The following CAV2 variants were observed in gnomAD, a reference collection of about 807,000 sequenced individuals.
The protein encoded by CAV2 is caveolin 2.
In CAV2, 7 loss-of-function variants were observed where a neutral mutation model predicts 15.5. That is an observed-to-expected ratio of 0.45 (90% confidence interval 0.26 to 0.85). The LOEUF is 0.85. Among genes scored for constraint, CAV2 ranks in the 40% least tolerant of loss-of-function variants. The pLI, the probability that CAV2 is intolerant of heterozygous loss-of-function variation, is 0.18. For missense variants in CAV2, 229 were observed against 208.8 expected (o/e 1.10, Z -0.60); for synonymous variants, 76 against 83.1 (o/e 0.91, Z 0.46).
intron 2 of CAV2, among the ~76,000 whole-genome samples, chr7:116,505,285 C>G (rs1793207410): frequency 6.6e-6 from 1 of 152,100 alleles, no homozygotes; most frequent in Non-Finnish European, 1.5e-5. Flanking sequence ...TAGATAAAGA[C>G]ATGGTTTTAT....
chr7:116,500,114 G>A, intron 1 of CAV2, 146 bp from the exon 2 acceptor site: 1 of 1,471,032 alleles, frequency 6.8e-7, no homozygotes, highest in Non-Finnish European at 8.9e-7. Context: ...TCTTAGCCAG[G>A]TTCCTGTGCG....
intron 2 of CAV2, among the ~76,000 whole-genome samples, chr7:116,504,030 GAGAAAGAAAAAGAAAGAAAGAGAA>G (rs1793173798): frequency 4.2e-5 from 4 of 95,794 alleles, no homozygotes; most frequent in Admixed American, 1.2e-4. Context: ...AAGAAAGAAA[GAGAAAGAAAAAGAAAGAAAGAGAA>G]AGAAAGAAAG....
At chr7:116,500,480 C>G (rs753281320) in intron 2 of CAV2, 33 bp downstream of exon 2, 4 of 1,594,462 alleles carry the variant, frequency 2.5e-6, no homozygotes, top group East Asian at 2.2e-5. Flanking sequence ...GACCGGCTTT[C>G]TGAAACATGG....
chr7:116,503,281 G>T (rs1213279325), intron 2 of CAV2, among the ~76,000 whole-genome samples: 1 of 151,916 alleles, frequency 6.6e-6, no homozygotes, highest in African/African-American at 2.4e-5. Context: ...TATTTGTGAT[G>T]TTGAGAACCC....
At chr7:116,504,411 C>T (rs1025332652) in intron 2 of CAV2, among the ~76,000 whole-genome samples, 2 of 152,144 alleles carry the variant, frequency 1.3e-5, no homozygotes, top group African/African-American at 4.8e-5. Context: ...CTCTGAAACA[C>T]TTAGTAATTA....
rs1331665890 is a variant in CAV2, at chr7:116,506,248, A to G, written c.*127A>G. On this transcript the variant is annotated 3_prime_UTR_variant, in exon 3 of 3. Coordinates refer to ENST00000222693, the MANE Select transcript of CAV2 (RefSeq NM_001233.5). ...AAGAAAACTATTAAGATGAGCAACC[A>G]CATTTAGAAATGTTTATTGACAGGT... 3.5e-6 allele frequency: 3 copies of G among 846,768 alleles called. No individual in the cohort carries two copies. The highest frequency in any genetic ancestry group is 1.7e-5 in the African/African-American group (1 of 58,270). The allele number at this position is 846,768 out of a possible 1,614,324, so 52.5% of individuals were successfully genotyped here.
At chr7:116,502,799 C>G (rs1241462999) in intron 2 of CAV2, among the ~76,000 whole-genome samples, 1 of 152,066 alleles carries the variant, frequency 6.6e-6, no homozygotes, top group East Asian at 1.9e-4. Flanking sequence ...GGATCCTAGA[C>G]CAGAAGTACG....
At chr7:116,503,836 AGGAAG>A (rs1434637645) in intron 2 of CAV2, among the ~76,000 whole-genome samples, 11 of 147,042 alleles carry the variant, frequency 7.5e-5, no homozygotes, top group African/African-American at 2.5e-4. Flanking sequence ...AAAAGAAAGA[AGGAAG>A]GGAAGGGAAG....
intron 2 of CAV2, among the ~76,000 whole-genome samples, chr7:116,503,937 G>A: frequency 7.7e-6 from 1 of 129,436 alleles, no homozygotes; most frequent in Non-Finnish European, 1.7e-5. Context: ...GAGGGAGGGA[G>A]GGAGGGAGGA....
chr7:116,504,663 T>C (rs1283912942), intron 2 of CAV2, among the ~76,000 whole-genome samples: 2 of 152,170 alleles, frequency 1.3e-5, no homozygotes, highest in African/African-American at 2.4e-5. Context: ...AAAGCTTCCA[T>C]TGAGGCTACC....
At chr7:116,504,039 A>AAAGG (rs1424402262) in intron 2 of CAV2, among the ~76,000 whole-genome samples, 5 of 35,398 alleles carry the variant, frequency 1.4e-4, no homozygotes. Flanking sequence ...AGAGAAAGAA[A>AAAGG]AAGAAAGAAA....
chr7:116,506,214 G>A lies in CAV2; in HGVS notation c.*93G>A. On this transcript the variant is annotated 3_prime_UTR_variant, in exon 3 of 3. Coordinates refer to ENST00000222693, the MANE Select transcript of CAV2 (RefSeq NM_001233.5). ...CCACTGTTCTGTTCATTTCCTAGCT[G>A]TTCTAATTAAGAAAACTATTAAGAT... 1 of 1,253,542 alleles carries A rather than the reference G, an allele frequency of 8.0e-7. No homozygotes were observed. The highest frequency in any genetic ancestry group is 1.1e-6 in the Non-Finnish European group (1 of 903,466). 77.7% of individuals were successfully genotyped at this position (1,253,542 alleles called of 1,614,324 possible).
chr7:116,503,919 A>AGGGAGGGAGGG (rs1197136360), intron 2 of CAV2, among the ~76,000 whole-genome samples: 39 of 67,916 alleles, frequency 5.7e-4, no homozygotes, highest in Non-Finnish European at 7.7e-4. Context: ...GGGAGGAAGG[A>AGGGAGGGAGGG]AGGAAGGGAG....
At position 116,499,937 on chromosome 7, in the gene CAV2, G is replaced by T. The variant is rs756698640; in HGVS notation, c.150+6G>T. 6 of 1,610,188 alleles carry T rather than the reference G, an allele frequency of 3.7e-6. No homozygotes were observed. In the East Asian group the frequency reaches 8.9e-5, roughly 24 times the overall value. The stretch of plus-strand genomic sequence containing the variant: ...GGCTCAACTCGCATCTCAAGGTGAA[G>T]CCCGGGGCGGGCGGGCCCAAGTCCC... On this transcript the variant is annotated splice_donor_region_variant and intron_variant, in intron 1 of 2. Transcript: ENST00000222693.
chr7:116,503,171 T>A (rs1310295349), intron 2 of CAV2, among the ~76,000 whole-genome samples: 1 of 148,562 alleles, frequency 6.7e-6, no homozygotes, highest in Non-Finnish European at 1.5e-5. Context: ...ATATATATAA[T>A]ATATATATAT....
Position 116,507,530 on chromosome 7 carries a change from G to T in CAV2, c.*1409G>T, listed in dbSNP as rs1028284623. On this transcript the variant is annotated 3_prime_UTR_variant, in exon 3 of 3. Transcript: ENST00000222693. ...TACTAAAAATACAAAAAAATTAGTT[G>T]GGCATGGTGGCATGCACCTGTAGTC... The T allele has an allele frequency of 3.9e-5, 6 of 151,994 alleles. No individual in the cohort carries two copies. The highest frequency in any genetic ancestry group is 8.8e-5 in the Non-Finnish European group (6 of 68,062). 9.4% of individuals were successfully genotyped at this position (151,994 alleles called of 1,614,324 possible). A position where few individuals can be genotyped will look rare whatever the true frequency, so the allele number is the denominator to read the frequency against.
In CAV2 at chr7:116,500,303, C is replaced by T. The variant is rs747078112; in HGVS notation, c.194C>T (p.Ser65Phe). 1.9e-6 allele frequency: 3 copies of T among 1,614,224 alleles called. No homozygotes were observed. Among genetic ancestry groups the T allele is most frequent in the East Asian group, 2.2e-5 (1 of 44,880 alleles). ...DVIAEPVTTHSFDKVWICSHA... is the reference protein window; with the variant it reads ...DVIAEPVTTHFFDKVWICSHA... ...ATCGCAGAGCCGGTGACTACGCACT[C>T]CTTTGACAAAGTGTGGATCTGCAGC... The change falls in exon 2 of 3, where the codon TCC becomes TTC. Residue 65 changes from serine (S) to phenylalanine (F), a missense_variant. Ser to Phe is a radical substitution (Grantham distance 155). Coordinates refer to ENST00000222693, the MANE Select transcript of CAV2 (RefSeq NM_001233.5).
chr7:116,506,583 A>G lies in CAV2; in HGVS notation c.*462A>G, dbSNP rs1244701235. On this transcript the variant is annotated 3_prime_UTR_variant, in exon 3 of 3. Coordinates refer to ENST00000222693, the MANE Select transcript of CAV2 (RefSeq NM_001233.5). Reference sequence around the variant, plus strand: ...GTCACTGGCATACTGAGAATATACAATGATCCTGGAAATTGCAGTAACAAA... The same window carrying G: ...GTCACTGGCATACTGAGAATATACAGTGATCCTGGAAATTGCAGTAACAAA... 1.3e-5 allele frequency: 2 copies of G among 152,910 alleles called. No homozygotes were observed. The highest frequency in any genetic ancestry group is 6.5e-5 in the Admixed American group (1 of 15,314). 9.5% of individuals were successfully genotyped at this position (152,910 alleles called of 1,614,324 possible).
chr7:116,508,022 C>G lies in CAV2; in HGVS notation c.*1901C>G, dbSNP rs1332755512. On this transcript the variant is annotated 3_prime_UTR_variant, in exon 3 of 3. Coordinates refer to ENST00000222693, the MANE Select transcript of CAV2 (RefSeq NM_001233.5). ...GTTGCAAAGAGACATTTCAAAACTG[C>G]CCTAGGCCATTGCAGCATCCTTAGA... 6.6e-6 allele frequency: 1 copy of G among 152,172 alleles called. No homozygotes were observed. Among genetic ancestry groups the G allele is most frequent in the Non-Finnish European group, 1.5e-5 (1 of 68,036 alleles). The allele number at this position is 152,172 out of a possible 1,614,324, so 9.4% of individuals were successfully genotyped here.
Sources: gnomAD v4.1 joint callset for allele counts (sites outside exome capture counted in the v4.1 genomes callset) on GRCh38, gnomAD v4.1.1 for gene constraint, MANE v1.5 for transcripts, NCBI Gene and HGNC (gene_info 2026-07-23, HGNC 2026-07-21) for gene names.